TEAD1: variants seen among roughly 807,000 people sequenced by gnomAD.
The protein encoded by TEAD1 is transcriptional enhancer factor TEF-1.
In TEAD1, 9 loss-of-function variants were observed where a neutral mutation model predicts 54.9. The observed-to-expected ratio is 0.16, with a 90% CI of 0.10 to 0.29. TEAD1 has a LOEUF of 0.29. Ranked by LOEUF, TEAD1 falls within the 10% of genes least tolerant of loss-of-function variation. The pLI is 1.00. For missense variants in TEAD1, 387 were observed against 535.9 expected (o/e 0.72, Z 2.74); for synonymous variants, 200 against 187.8 (o/e 1.07, Z -0.53).
chr11:12,876,175 T>C (rs1947850105), intron 5 of TEAD1, among the ~76,000 whole-genome samples: 2 of 152,152 alleles, frequency 1.3e-5, no homozygotes. Context: ...AACCTTACTT[T>C]AACAGAAGAA....
In TEAD1 at chr11:12,880,936, G is replaced by A. The variant is rs529246188; in HGVS notation, c.466-69G>A. 50 of 1,560,414 alleles carry A rather than the reference G, an allele frequency of 3.2e-5. No individual in the cohort carries two copies. The African/African-American group carries it at 5.5e-4, about 17-fold the overall frequency. On this transcript the variant is annotated intron_variant, in intron 6 of 12. Coordinates refer to ENST00000527636, the MANE Select transcript of TEAD1 (RefSeq NM_021961.6). ...GCTGTCTTTTAGCAGGGGTTGTGAT[G>A]CGTAGGCATCCTAAACTGTGCTTTG...
intron 2 of TEAD1, among the ~76,000 whole-genome samples, chr11:12,744,207 T>C (rs1323363163): frequency 6.6e-6 from 1 of 152,218 alleles, no homozygotes; most frequent in Non-Finnish European, 1.5e-5. Context: ...ATACTGTGTA[T>C]ACAGTGTGAG....
rs775869852 is a variant in TEAD1 at position 12,864,819 on chromosome 11, CCCTT to C, written c.268-16_268-13del. The C allele has an allele frequency of 1.2e-6, 2 of 1,614,014 alleles. No individual in the cohort carries two copies. Among genetic ancestry groups the C allele is most frequent in the South Asian group, 2.2e-5 (2 of 91,074 alleles). On this transcript the variant is annotated splice_polypyrimidine_tract_variant and intron_variant, in intron 4 of 12. Coordinates refer to ENST00000527636, the MANE Select transcript of TEAD1 (RefSeq NM_021961.6). ...TTACAGGCTTTTCCTTTGTTTTCCT[CCCTT>C]CCCCTACCCTGCAGGTGTCTAGTCA...
At chr11:12,779,841 A>G (rs112197302) in intron 3 of TEAD1, among the ~76,000 whole-genome samples, 25 of 152,370 alleles carry the variant, frequency 1.6e-4, no homozygotes, top group African/African-American at 6.0e-4. Context: ...TTTTATCTCA[A>G]CAGATACAGA....
intron 3 of TEAD1, among the ~76,000 whole-genome samples, chr11:12,770,101 T>C (rs1945285432): frequency 6.6e-6 from 1 of 151,854 alleles, no homozygotes; most frequent in Non-Finnish European, 1.5e-5. Context: ...GCACAAAATA[T>C]GGACAATAGC....
intron 3 of TEAD1, among the ~76,000 whole-genome samples, chr11:12,810,040 G>A (rs1268151940): frequency 1.6e-5 from 2 of 126,426 alleles, no homozygotes; most frequent in African/African-American, 3.1e-5. Flanking sequence ...TAGTGCAGTT[G>A]TGCAATCTTA....
chr11:12,912,543 G>A (rs1022681132), intron 10 of TEAD1, among the ~76,000 whole-genome samples: 1 of 152,060 alleles, frequency 6.6e-6, no homozygotes, highest in African/African-American at 2.4e-5. Context: ...GGGGCTTACC[G>A]AACTCAGAGA....
chr11:12,707,101 A>T (rs1943832436), intron 2 of TEAD1, among the ~76,000 whole-genome samples: 1 of 140,732 alleles, frequency 7.1e-6, no homozygotes, highest in African/African-American at 2.6e-5. Flanking sequence ...GGAAAGAAAT[A>T]GCACTTGTGG....
chr11:12,836,915 T>C (rs1946903676), intron 3 of TEAD1, among the ~76,000 whole-genome samples: 1 of 152,336 alleles, frequency 6.6e-6, no homozygotes, highest in East Asian at 1.9e-4. Flanking sequence ...GAAAGTGTTG[T>C]ATTATGAAAT....
intron 9 of TEAD1, among the ~76,000 whole-genome samples, chr11:12,886,427 A>G (rs1464435312): frequency 6.6e-6 from 1 of 152,198 alleles, no homozygotes; most frequent in Non-Finnish European, 1.5e-5. Context: ...ATTTTAGGGG[A>G]TATGAATTGG....
intron 3 of TEAD1, chr11:12,828,276 C>A (rs1946697337): frequency 6.6e-6 from 1 of 152,212 alleles, no homozygotes; most frequent in African/African-American, 2.4e-5. Context: ...AATTGCTGTG[C>A]TTGTTCGGTG....
At chr11:12,898,188 T>A (rs1948349969) in intron 9 of TEAD1, among the ~76,000 whole-genome samples, 1 of 152,150 alleles carries the variant, frequency 6.6e-6, no homozygotes, top group South Asian at 2.1e-4. Flanking sequence ...AGCAGCTGGT[T>A]ATGAGTGGGC....
At chr11:12,916,766 G>A (rs1338468594) in intron 10 of TEAD1, among the ~76,000 whole-genome samples, 1 of 152,232 alleles carries the variant, frequency 6.6e-6, no homozygotes, top group Non-Finnish European at 1.5e-5. Flanking sequence ...TGGATGGGAT[G>A]AGTGGAGGAC....
Position 12,864,915 on chromosome 11 carries a change from G to C in TEAD1, c.330+15G>C. On this transcript the variant is annotated intron_variant, in intron 5 of 12. Transcript: ENST00000527636. ...CCAAGCTAAAGGTATGCGCTTTTCT[G>C]CTTTTTGGCTTGTGGTTGCTATGCA... 1 of 1,614,060 alleles carries C rather than the reference G, an allele frequency of 6.2e-7. No homozygotes were observed. The highest frequency in any genetic ancestry group is 8.5e-7 in the Non-Finnish European group (1 of 1,179,988).
Position 12,705,905 on chromosome 11 carries a change from A to C in TEAD1, c.-55+30344A>C, listed in dbSNP as rs185421601. Among the ~76,000 whole-genome samples, 108 of 152,340 alleles carry C rather than the reference A, an allele frequency of 7.1e-4. 1 individual carries two copies. Among genetic ancestry groups the C allele is most frequent in the Admixed American group, 2.1e-3 (32 of 15,306 alleles). On this transcript the variant is annotated intron_variant, in intron 2 of 12. Transcript: ENST00000527636. ...TTACTGTTGGGTTCTTAATTGTCTG[A>C]CAAAGAAACTCCATTGTTCTAAACC...
chr11:12,729,192 T>C (rs1944372252), intron 2 of TEAD1, among the ~76,000 whole-genome samples: 1 of 152,228 alleles, frequency 6.6e-6, no homozygotes, highest in South Asian at 2.1e-4. Context: ...AGTAAGTGAA[T>C]GAGTGAATGA....
In TEAD1 at chr11:12,943,335, A is replaced by G. The variant is rs17412726; in HGVS notation, c.*6113A>G. 6,967 of 152,768 alleles carry G rather than the reference A, an allele frequency of 0.046. 235 individuals carry two copies. The highest frequency in any genetic ancestry group is 0.091 in the Admixed American group (1,392 of 15,302). The allele number at this position is 152,768 out of a possible 1,614,324, so 9.5% of individuals were successfully genotyped here. A position where few individuals can be genotyped will look rare whatever the true frequency, so the allele number is the denominator to read the frequency against. On this transcript the variant is annotated 3_prime_UTR_variant, in exon 13 of 13. Coordinates refer to ENST00000527636, the MANE Select transcript of TEAD1 (RefSeq NM_021961.6). Reference sequence around the variant, plus strand: ...GCTTGTTTTCCTGCTTCTCTTTTCAACTGTTACTGTGCTTTGTTTGAAAGT... The same window carrying G: ...GCTTGTTTTCCTGCTTCTCTTTTCAGCTGTTACTGTGCTTTGTTTGAAAGT...
At chr11:12,913,681 C>CT in intron 10 of TEAD1, among the ~76,000 whole-genome samples, 1 of 152,294 alleles carries the variant, frequency 6.6e-6, no homozygotes, top group South Asian at 2.1e-4. Flanking sequence ...ACAGTGAATA[C>CT]TTTTTTGGTG....
chr11:12,863,952 T>C (rs1424140518), intron 4 of TEAD1, among the ~76,000 whole-genome samples: 1 of 152,150 alleles, frequency 6.6e-6, no homozygotes, highest in Non-Finnish European at 1.5e-5. Flanking sequence ...TCAACCCAGA[T>C]TTTTAACAGG....
Sources: gnomAD v4.1 joint callset for allele counts (sites outside exome capture counted in the v4.1 genomes callset) on GRCh38, gnomAD v4.1.1 for gene constraint, MANE v1.5 for transcripts, NCBI Gene and HGNC (gene_info 2026-07-23, HGNC 2026-07-21) for gene names.